PDE6D: variants seen among roughly 807,000 people sequenced by gnomAD.
PDE6D encodes the protein retinal rod rhodopsin-sensitive cGMP 3',5'-cyclic phosphodiesterase subunit delta.
Under a neutral mutation model 21.9 loss-of-function variants are expected in PDE6D, and 10 were observed. That is an observed-to-expected ratio of 0.46 (90% CI 0.28 to 0.78). The LOEUF (loss-of-function observed/expected upper bound fraction) is 0.78. PDE6D is among the 30% of genes least tolerant of loss of function. PDE6D has a pLI of 0.12. For missense variants in PDE6D, 139 were observed against 184.8 expected (o/e 0.75, Z 1.44); for synonymous variants, 59 against 63.5 (o/e 0.93, Z 0.34).
intron 4 of PDE6D, among the ~76,000 whole-genome samples, chr2:231,735,919 T>C (rs1246076): frequency 0.079 from 12,054 of 151,658 alleles, 551 homozygotes; most frequent in African/African-American, 0.11. Context: ...TCCCAGCTAC[T>C]TGGGAGGCTG....
Position 231,739,059 on chromosome 2 carries a change from C to T in PDE6D, c.139+41G>A. On this transcript the variant is annotated intron_variant, in intron 2 of 4. Transcript: ENST00000287600. This position sits in a 1 kb window ranked among gnomAD's most constrained non-coding sequence, Gnocchi z 4.2. The stretch of plus-strand genomic sequence containing the variant: ...CTCTTATGCTCAGGTGCTAGTCTGG[C>T]ATTGGTCACAGCCCTGTGTAGATAA... 7.7e-7 allele frequency: 1 copy of T among 1,292,228 alleles called. No individual in the cohort carries two copies. The highest frequency in any genetic ancestry group is 1.2e-5 in the South Asian group (1 of 83,616). 80.0% of individuals were successfully genotyped at this position (1,292,228 alleles called of 1,614,324 possible).
At chr2:231,734,791 GA>G (rs1478674697) in intron 4 of PDE6D, among the ~76,000 whole-genome samples, 1 of 147,652 alleles carries the variant, frequency 6.8e-6, no homozygotes, top group Non-Finnish European at 1.5e-5. Flanking sequence ...AGGTTGCAGT[GA>G]GCTGGGATCA....
At chr2:231,741,706 A>G (rs1038986914) in intron 1 of PDE6D, among the ~76,000 whole-genome samples, 2 of 152,250 alleles carry the variant, frequency 1.3e-5, no homozygotes, top group African/African-American at 4.8e-5. Context: ...AATCTAAGCA[A>G]ATGACAAAAA....
intron 1 of PDE6D, among the ~76,000 whole-genome samples, chr2:231,751,422 C>T (rs2048839326): frequency 6.6e-6 from 1 of 152,224 alleles, no homozygotes; most frequent in Non-Finnish European, 1.5e-5. Flanking sequence ...ACTGAGATTA[C>T]AGGCGTGAGC....
At chr2:231,743,163 C>T (rs919219892) in intron 1 of PDE6D, among the ~76,000 whole-genome samples, 4 of 151,652 alleles carry the variant, frequency 2.6e-5, no homozygotes, top group South Asian at 2.1e-4. Flanking sequence ...TCGTGGCTCA[C>T]GCCTGTAATT....
intron 1 of PDE6D, among the ~76,000 whole-genome samples, chr2:231,745,228 ACAC>A (rs386656222): frequency 1.4e-5 from 2 of 143,280 alleles, no homozygotes; most frequent in African/African-American, 2.7e-5. Flanking sequence ...AAACAAAAAC[ACAC>A]AAAAAAAACC....
chr2:231,758,435 C>T (rs2048900617), intron 1 of PDE6D, among the ~76,000 whole-genome samples: 1 of 152,142 alleles, frequency 6.6e-6, no homozygotes, highest in African/African-American at 2.4e-5. Context: ...CTGCATCTGG[C>T]CACATCAACT....
chr2:231,757,297 A>G (rs1188268246), intron 1 of PDE6D, among the ~76,000 whole-genome samples: 1 of 150,162 alleles, frequency 6.7e-6, no homozygotes, highest in Admixed American at 6.7e-5. Context: ...CAAGTATTAA[A>G]CGATTTATTT....
At position 231,781,208 on chromosome 2, in the gene PDE6D, T is replaced by C. The variant is rs1337904541; in HGVS notation, c.-94A>G. ...CCGAGGATGGAGCCGCAGCCCGGCTTGGAGACCTCGGGCTAGCAGCCGCAG... is the reference window on the plus strand; with the variant it reads ...CCGAGGATGGAGCCGCAGCCCGGCTCGGAGACCTCGGGCTAGCAGCCGCAG... On this transcript the variant is annotated 5_prime_UTR_variant, in exon 1 of 5. Coordinates refer to ENST00000287600, the MANE Select transcript of PDE6D (RefSeq NM_002601.4). 14 of 1,273,988 alleles carry C rather than the reference T, an allele frequency of 1.1e-5. No homozygotes were observed. The highest frequency in any genetic ancestry group is 1.5e-5 in the African/African-American group (1 of 68,002). 78.9% of individuals were successfully genotyped at this position (1,273,988 alleles called of 1,614,324 possible). A position where few individuals can be genotyped will look rare whatever the true frequency, so the allele number is the denominator to read the frequency against.
At chr2:231,780,215 T>C (rs2049096229) in intron 1 of PDE6D, among the ~76,000 whole-genome samples, 1 of 152,068 alleles carries the variant, frequency 6.6e-6, no homozygotes, top group Non-Finnish European at 1.5e-5. Flanking sequence ...CCCCACTCTA[T>C]CCTACCGTGG....
intron 1 of PDE6D, among the ~76,000 whole-genome samples, chr2:231,740,998 C>A (rs971707267): frequency 6.7e-6 from 1 of 150,266 alleles, no homozygotes; most frequent in Non-Finnish European, 1.5e-5. Context: ...ATTAGCCAGA[C>A]GTGGTGGTGC....
intron 1 of PDE6D, among the ~76,000 whole-genome samples, chr2:231,748,975 C>T (rs1097850): frequency 6.6e-6 from 1 of 152,158 alleles, no homozygotes; most frequent in African/African-American, 2.4e-5. Flanking sequence ...GCAGGGCCCT[C>T]ATAAAGCGCC....
chr2:231,737,134 G>A (rs1160428904), intron 4 of PDE6D, 53 bp downstream of exon 4: 1 of 1,050,800 alleles, frequency 9.5e-7, no homozygotes. Flanking sequence ...CCACCTGCCT[G>A]GAATGCCTGT....
chr2:231,734,403 C>CA (rs2048678900), intron 4 of PDE6D, among the ~76,000 whole-genome samples: 1 of 145,238 alleles, frequency 6.9e-6, no homozygotes, highest in Non-Finnish European at 1.5e-5. Flanking sequence ...AAAACAGCAA[C>CA]AAAAAATCAC....
intron 4 of PDE6D, among the ~76,000 whole-genome samples, chr2:231,736,175 A>G (rs372250382): frequency 2.0e-5 from 3 of 152,242 alleles, no homozygotes; most frequent in East Asian, 3.9e-4. Flanking sequence ...CCTGTTTTTT[A>G]AAAAAATAAA....
chr2:231,771,772 T>C (rs2049017461), intron 1 of PDE6D, among the ~76,000 whole-genome samples: 2 of 152,216 alleles, frequency 1.3e-5, no homozygotes. Context: ...AAAAAACTTT[T>C]TGCCGATTTT....
intron 1 of PDE6D, among the ~76,000 whole-genome samples, chr2:231,767,923 G>A (rs2048985097): frequency 6.7e-6 from 1 of 149,828 alleles, no homozygotes; most frequent in Non-Finnish European, 1.5e-5. Flanking sequence ...TTGGCTCACT[G>A]CAATCTCTGC....
At chr2:231,772,066 A>G (rs2049019652) in intron 1 of PDE6D, among the ~76,000 whole-genome samples, 1 of 151,850 alleles carries the variant, frequency 6.6e-6, no homozygotes, top group East Asian at 1.9e-4. Flanking sequence ...TGTAATTTCT[A>G]CCCCGCAAAT....
intron 4 of PDE6D, among the ~76,000 whole-genome samples, 199 bp downstream of exon 4, chr2:231,736,988 T>A (rs764475659): frequency 2.0e-5 from 3 of 152,182 alleles, no homozygotes; most frequent in Non-Finnish European, 4.4e-5. Flanking sequence ...ATTTTTAGTT[T>A]TTTATTCTTT....
Sources: allele counts gnomAD v4.1 joint callset (sites outside exome capture counted in the v4.1 genomes callset), GRCh38; gene constraint gnomAD v4.1.1; non-coding constraint Gnocchi (gnomAD v3.1); transcripts MANE v1.5; gene names NCBI Gene and HGNC (gene_info 2026-07-23, HGNC 2026-07-21).